TSHZ3: variants seen among roughly 807,000 people sequenced by gnomAD.
The protein encoded by TSHZ3 is teashirt homolog 3.
Under a neutral mutation model 64.5 loss-of-function variants are expected in TSHZ3, and 10 were observed. That is an observed-to-expected ratio of 0.16 (90% confidence interval 0.10 to 0.26). The LOEUF (loss-of-function observed/expected upper bound fraction) is 0.26, where lower values mean the gene tolerates loss of function less well. Among genes scored for constraint, TSHZ3 ranks in the 10% least tolerant of loss-of-function variants. The probability of loss-of-function intolerance (pLI) is 1.00; values close to 1 mark genes in which losing one functional copy is unlikely to be tolerated. For missense variants in TSHZ3, 1,242 were observed against 1,421.7 expected (o/e 0.87, Z 2.03); for synonymous variants, 608 against 593.1 (o/e 1.03, Z -0.36).
At chr19:31,166,109 G>T (rs1335524367) in intron 5 of TSHZ3, among the ~76,000 whole-genome samples, 1 of 152,170 alleles carries the variant, frequency 6.6e-6, no homozygotes, top group East Asian at 1.9e-4. Context: ...CCTGCACAGC[G>T]TTCAGCACTC....
chr19:31,350,674 A>C (rs2021694449), upstream of TSHZ3, among the ~76,000 whole-genome samples: 1 of 151,080 alleles, frequency 6.6e-6, no homozygotes, highest in East Asian at 2.0e-4. Context: ...GGCAAGAAGG[A>C]GCTGGCTGGG....
intron 4 of TSHZ3, among the ~76,000 whole-genome samples, chr19:31,210,125 T>C (rs1282156170): frequency 2.6e-5 from 4 of 152,000 alleles, no homozygotes; most frequent in African/African-American, 7.3e-5. Flanking sequence ...GAAGATGTAC[T>C]TGGGGGGATA....
chr19:31,215,967 T>TTATTAAA (rs1002207567), intron 4 of TSHZ3, among the ~76,000 whole-genome samples: 2,014 of 151,122 alleles, frequency 0.013, 47 homozygotes, highest in African/African-American at 0.046. Flanking sequence ...ATTAAATTTA[T>TTATTAAA]TATTAAATAT....
intron 1 of TSHZ3, among the ~76,000 whole-genome samples, chr19:31,254,051 C>T (rs575780796): frequency 2.3e-4 from 35 of 152,268 alleles, no homozygotes; most frequent in African/African-American, 8.4e-4. Flanking sequence ...CAGACCGGCT[C>T]ACAGACAACC....
chr19:31,293,465 C>A (rs1976609702), intron 1 of TSHZ3, among the ~76,000 whole-genome samples: 1 of 152,336 alleles, frequency 6.6e-6, no homozygotes, highest in East Asian at 1.9e-4. Context: ...TTCCTTTGAT[C>A]TTGCCTTGAT....
intron 1 of TSHZ3, among the ~76,000 whole-genome samples, chr19:31,247,108 G>T (rs1480469569): frequency 6.6e-6 from 1 of 152,126 alleles, no homozygotes; most frequent in Admixed American, 6.5e-5. Flanking sequence ...ACTATAATTA[G>T]AAAAATTTCC....
chr19:31,250,250 AT>A (rs1382577642), intron 1 of TSHZ3, among the ~76,000 whole-genome samples: 2 of 152,248 alleles, frequency 1.3e-5, no homozygotes, highest in Non-Finnish European at 2.9e-5. Flanking sequence ...AGTCTAAATC[AT>A]CTTTTCCCTT....
At chr19:31,210,160 G>A (rs1337056052) in intron 4 of TSHZ3, among the ~76,000 whole-genome samples, 1 of 152,116 alleles carries the variant, frequency 6.6e-6, no homozygotes, top group Non-Finnish European at 1.5e-5. Context: ...AATGAGTGCA[G>A]GGGAAATGGA....
chr19:31,245,090 T>C (rs1288551028), intron 1 of TSHZ3, among the ~76,000 whole-genome samples: 4 of 152,320 alleles, frequency 2.6e-5, no homozygotes, highest in South Asian at 4.1e-4. Flanking sequence ...ATAGTGTTGA[T>C]TGTTGGTGAT....
intron 1 of TSHZ3, among the ~76,000 whole-genome samples, chr19:31,259,727 C>A (rs908424509): frequency 2.6e-5 from 4 of 151,912 alleles, no homozygotes; most frequent in Admixed American, 2.6e-4. Flanking sequence ...TGGGTGTAGA[C>A]GGCAGCTGTC....
intron 4 of TSHZ3, among the ~76,000 whole-genome samples, chr19:31,205,862 A>C (rs1261854487): frequency 6.6e-6 from 1 of 152,252 alleles, no homozygotes; most frequent in Admixed American, 6.5e-5. Context: ...TAATTTGGAA[A>C]TAGTATTCAA....
chr19:31,331,335 A>G (rs1917086517), intron 1 of TSHZ3, among the ~76,000 whole-genome samples: 1 of 152,152 alleles, frequency 6.6e-6, no homozygotes, highest in South Asian at 2.1e-4. Flanking sequence ...ATTTTCTTTC[A>G]TAGCCTGGAA....
At chr19:31,234,188 T>C (rs1975577565) in intron 3 of TSHZ3, among the ~76,000 whole-genome samples, 1 of 152,234 alleles carries the variant, frequency 6.6e-6, no homozygotes, top group African/African-American at 2.4e-5. Flanking sequence ...ATACTTGTTG[T>C]TCATAATAAT....
In TSHZ3 at chr19:31,213,356, C is replaced by CAAAAAAAAAAAAAAA. The variant is rs35192337; in HGVS notation, n.687-8293_687-8279dup. Among the ~76,000 whole-genome samples, 5 of 23,308 alleles carry CAAAAAAAAAAAAAAA rather than the reference C, an allele frequency of 2.1e-4. 1 individual carries two copies. The highest frequency in any genetic ancestry group is 3.8e-4 in the Non-Finnish European group (5 of 13,242). The allele number at this position is 23,308 out of a possible 152,430, so 15.3% of individuals were successfully genotyped here. ...TGAGCAACAGAGCGAGACTCTGTCTCAAAAAAAAAAAAAAAAAAAAAAAAA... is the reference window on the plus strand; with the variant it reads ...TGAGCAACAGAGCGAGACTCTGTCTCAAAAAAAAAAAAAAAAAAAAAAAAAAAAAAAAAAAAAAAA... On this transcript the variant is annotated intron_variant and non_coding_transcript_variant, in intron 4 of 6. Transcript: ENST00000651361.
chr19:31,194,513 A>G (rs1429470884), intron 5 of TSHZ3, among the ~76,000 whole-genome samples: 1 of 152,182 alleles, frequency 6.6e-6, no homozygotes, highest in African/African-American at 2.4e-5. Context: ...GAGATTGAGA[A>G]GCACTTGAGA....
rs1313302593 is a variant in TSHZ3 at position 31,346,183 on chromosome 19, C to T, written c.40+2997G>A. On this transcript the variant is annotated intron_variant, in intron 1 of 1. Coordinates refer to ENST00000240587, the MANE Select transcript of TSHZ3 (RefSeq NM_020856.4). ...GATACATTGGCCTAGATATGAAGAC[C>T]GTGTGTACCTGTGTGCCACGTCTGC... is the stretch of plus-strand genomic sequence containing the variant. 3.9e-5 allele frequency among the ~76,000 whole-genome samples: 6 copies of T among 152,162 alleles called. No homozygotes were observed. In the South Asian group the frequency reaches 6.2e-4, roughly 16 times the overall value.
chr19:31,348,364 T>G (rs2021576428), intron 1 of TSHZ3, among the ~76,000 whole-genome samples: 1 of 151,878 alleles, frequency 6.6e-6, no homozygotes, highest in African/African-American at 2.4e-5. Flanking sequence ...AATAATGTTA[T>G]GTGTGTGGTT....
chr19:31,282,348 T>C (rs1599623517), intron 1 of TSHZ3, among the ~76,000 whole-genome samples: 1 of 152,074 alleles, frequency 6.6e-6, no homozygotes, highest in Admixed American at 6.6e-5. Context: ...CCTATTACAG[T>C]GGCTCCCATG....
At chr19:31,260,303 G>T (rs891187046) in intron 1 of TSHZ3, among the ~76,000 whole-genome samples, 2 of 152,200 alleles carry the variant, frequency 1.3e-5, no homozygotes, top group Non-Finnish European at 2.9e-5. Flanking sequence ...TCTATGTCTG[G>T]TCATCTCTTG....
Sources: allele counts gnomAD v4.1 joint callset (sites outside exome capture counted in the v4.1 genomes callset), GRCh38; gene constraint gnomAD v4.1.1; transcripts MANE v1.5; gene names NCBI Gene and HGNC (gene_info 2026-07-23, HGNC 2026-07-21).